RBFOX1: variants seen among roughly 807,000 people sequenced by gnomAD.
RBFOX1 encodes the protein RNA binding fox-1 homolog 1.
Under a neutral mutation model 57.7 loss-of-function variants are expected in RBFOX1, and 8 were observed. That is an observed-to-expected ratio of 0.14 (90% CI 0.08 to 0.25). RBFOX1 has a LOEUF of 0.25. RBFOX1 is among the 10% of genes least tolerant of loss of function. The probability of loss-of-function intolerance (pLI) is 1.00; values close to 1 mark genes in which losing one functional copy is unlikely to be tolerated. For missense variants in RBFOX1, 611 were observed against 548.5 expected, an observed-to-expected ratio of 1.11 and a Z score of -1.14; for synonymous variants, 326 against 222.4, an observed-to-expected ratio of 1.47 and a Z score of -4.15.
intron 2 of RBFOX1, among the ~76,000 whole-genome samples, chr16:6,544,690 T>A (rs942308192): frequency 2.0e-5 from 3 of 152,196 alleles, no homozygotes; most frequent in Non-Finnish European, 2.9e-5. Flanking sequence ...ATACTAACTG[T>A]GGGACTCTAT....
At chr16:5,958,216 A>C (rs1003553274) in intron 4 of RBFOX1, among the ~76,000 whole-genome samples, 1 of 152,226 alleles carries the variant, frequency 6.6e-6, no homozygotes, top group Non-Finnish European at 1.5e-5. Flanking sequence ...TAAATGTTTT[A>C]CTAAAACAGA....
intron 5 of RBFOX1, among the ~76,000 whole-genome samples, chr16:7,537,720 C>T (rs868082339): frequency 7.2e-5 from 11 of 152,138 alleles, no homozygotes; most frequent in African/African-American, 2.4e-4. Context: ...TTGGGTCCAT[C>T]TCAGGAATAG....
intron 1 of RBFOX1, among the ~76,000 whole-genome samples, chr16:5,459,230 G>T (rs2068718557): frequency 6.6e-6 from 1 of 152,154 alleles, no homozygotes; most frequent in Non-Finnish European, 1.5e-5. Context: ...TATGACCCTT[G>T]TCCTCTGTGC....
At chr16:5,852,020 A>G (rs1185698652) in intron 3 of RBFOX1, among the ~76,000 whole-genome samples, 5 of 152,218 alleles carry the variant, frequency 3.3e-5, no homozygotes, top group Non-Finnish European at 7.3e-5. Flanking sequence ...AATCGGGGAC[A>G]ATGAGAGGAT....
At chr16:7,168,018 A>G (rs1340153749) in intron 4 of RBFOX1, among the ~76,000 whole-genome samples, 1 of 152,134 alleles carries the variant, frequency 6.6e-6, no homozygotes, top group Non-Finnish European at 1.5e-5. Flanking sequence ...TTACATTTCA[A>G]TTTTTATGAA....
intron 2 of RBFOX1, among the ~76,000 whole-genome samples, chr16:5,557,506 G>A (rs2045725128): frequency 6.6e-6 from 1 of 152,076 alleles, no homozygotes; most frequent in Admixed American, 6.6e-5. Context: ...TGCGGTAAGG[G>A]GTATCAGAGG....
intron 4 of RBFOX1, among the ~76,000 whole-genome samples, chr16:7,219,095 C>T (rs898035292): frequency 2.6e-5 from 4 of 152,162 alleles, no homozygotes; most frequent in Non-Finnish European, 5.9e-5. Flanking sequence ...TCTTCATTAT[C>T]CCCGTCATTG....
At chr16:6,638,457 G>T (rs986823915) in intron 2 of RBFOX1, among the ~76,000 whole-genome samples, 1 of 152,002 alleles carries the variant, frequency 6.6e-6, no homozygotes, top group Admixed American at 6.6e-5. Context: ...AAACTCAAGG[G>T]CCACGCATTG....
chr16:5,817,577 T>C (rs2151796231), intron 3 of RBFOX1, among the ~76,000 whole-genome samples: 1 of 151,922 alleles, frequency 6.6e-6, no homozygotes, highest in Admixed American at 6.5e-5. Flanking sequence ...ACCAAGACCC[T>C]TAGTGGGAGA....
At chr16:6,773,951 G>T (rs373129501) in intron 3 of RBFOX1, 1 of 984,958 alleles carries the variant, frequency 1.0e-6, no homozygotes, top group Non-Finnish European at 1.2e-6. Flanking sequence ...GTGTGCACAC[G>T]CACATGGTTC....
intron 3 of RBFOX1, among the ~76,000 whole-genome samples, chr16:5,704,734 C>T (rs1166331001): frequency 1.3e-5 from 2 of 152,156 alleles, no homozygotes; most frequent in Non-Finnish European, 2.9e-5. Context: ...TCCCAGGACC[C>T]CTCAACTCCA....
chr16:7,142,887 T>C (rs1254734933), intron 4 of RBFOX1, among the ~76,000 whole-genome samples: 1 of 150,588 alleles, frequency 6.6e-6, no homozygotes, highest in Non-Finnish European at 1.5e-5. Flanking sequence ...TTCCTTAATA[T>C]CATCTGCAGA....
chr16:6,604,343 T>G (rs879933141), intron 2 of RBFOX1, among the ~76,000 whole-genome samples: 2 of 152,196 alleles, frequency 1.3e-5, no homozygotes, highest in African/African-American at 2.4e-5. Context: ...TCTTATTTTT[T>G]TAATTTATTT....
intron 12 of RBFOX1, among the ~76,000 whole-genome samples, 179 bp downstream of exon 12, chr16:7,654,126 A>C (rs1484933624): frequency 6.6e-6 from 1 of 152,184 alleles, no homozygotes; most frequent in Non-Finnish European, 1.5e-5. Context: ...GTATTGAAAA[A>C]TGAGTGTAAT....
intron 2 of RBFOX1, among the ~76,000 whole-genome samples, chr16:5,468,357 C>G (rs977587159): frequency 6.6e-6 from 1 of 152,146 alleles, no homozygotes; most frequent in Admixed American, 6.5e-5. Context: ...TTGTTCTCCT[C>G]TCCCTTCAGC....
intron 4 of RBFOX1, among the ~76,000 whole-genome samples, chr16:7,211,909 C>T (rs534004294): frequency 1.3e-5 from 2 of 152,218 alleles, no homozygotes; most frequent in African/African-American, 4.8e-5. Context: ...TCGGGGGAAG[C>T]CAGCTACCCA....
At chr16:5,513,124 A>T (rs2043665408) in intron 2 of RBFOX1, among the ~76,000 whole-genome samples, 1 of 152,174 alleles carries the variant, frequency 6.6e-6, no homozygotes, top group Non-Finnish European at 1.5e-5. Flanking sequence ...TATGCTGTCC[A>T]GGCTGGTCTT....
intron 3 of RBFOX1, among the ~76,000 whole-genome samples, chr16:5,718,715 T>G (rs2051812018): frequency 6.6e-6 from 1 of 152,162 alleles, no homozygotes; most frequent in Non-Finnish European, 1.5e-5. Flanking sequence ...GAGACCAGCC[T>G]GGCCGACATG....
intron 1 of RBFOX1, among the ~76,000 whole-genome samples, chr16:5,282,577 C>T (rs2063298590): frequency 6.7e-6 from 1 of 150,204 alleles, no homozygotes; most frequent in South Asian, 2.1e-4. Flanking sequence ...CAGGAACTGG[C>T]ACAAAGGTGA....
Sources: allele counts gnomAD v4.1 joint callset (sites outside exome capture counted in the v4.1 genomes callset), GRCh38; gene constraint gnomAD v4.1.1; transcripts MANE v1.5; gene names NCBI Gene and HGNC (gene_info 2026-07-23, HGNC 2026-07-21).